The following AGMO variants were observed in gnomAD, a reference collection of about 807,000 sequenced individuals.
AGMO encodes alkylglycerol monooxygenase.
Under a neutral mutation model 60.2 loss-of-function variants are expected in AGMO, and 75 were observed. The observed-to-expected ratio is 1.25, with a 90% CI of 1.03 to 1.51. The LOEUF is 1.51. Among genes scored for constraint, AGMO ranks in the 40% most tolerant of loss-of-function variants. AGMO has a pLI of 0.00. For synonymous variants in AGMO, 261 were observed against 177.1 expected (o/e 1.47, Z -3.76); for missense variants, 763 against 525.5 (o/e 1.45, Z -4.42).
At chr7:15,349,722 G>A (rs1412765482) in intron 12 of AGMO, among the ~76,000 whole-genome samples, 4 of 152,232 alleles carry the variant, frequency 2.6e-5, no homozygotes, top group African/African-American at 9.6e-5. Flanking sequence ...GAGGCCTCAG[G>A]AAACTTATAA....
At chr7:15,403,371 G>C in intron 5 of AGMO, among the ~76,000 whole-genome samples, 1 of 151,792 alleles carries the variant, frequency 6.6e-6, no homozygotes, top group South Asian at 2.1e-4. Context: ...GAAATAATCT[G>C]TATGGGTTTC....
intron 12 of AGMO, among the ~76,000 whole-genome samples, chr7:15,322,586 ATATAT>A (rs1297386666): frequency 6.4e-5 from 2 of 31,438 alleles, no homozygotes; most frequent in Non-Finnish European, 1.0e-4. Flanking sequence ...ATATATATAA[ATATAT>A]AAATATATAT....
intron 10 of AGMO, among the ~76,000 whole-genome samples, chr7:15,370,087 ATTG>A (rs1783142987): frequency 6.6e-6 from 1 of 151,938 alleles, no homozygotes; most frequent in Non-Finnish European, 1.5e-5. Context: ...CCCAGTGTCT[ATTG>A]TTGTCATCTT....
At chr7:15,416,950 G>T (rs1261416747) in intron 5 of AGMO, among the ~76,000 whole-genome samples, 1 of 152,142 alleles carries the variant, frequency 6.6e-6, no homozygotes, top group South Asian at 2.1e-4. Flanking sequence ...TCCAGAAGCA[G>T]TCATGGTGTC....
At chr7:15,374,602 A>T (rs2128567618) in intron 10 of AGMO, among the ~76,000 whole-genome samples, 1 of 123,350 alleles carries the variant, frequency 8.1e-6, no homozygotes. Flanking sequence ...AACAAACAAT[A>T]GCAATATATC....
intron 3 of AGMO, among the ~76,000 whole-genome samples, chr7:15,464,277 A>G (rs1246423181): frequency 2.4e-4 from 37 of 152,194 alleles, no homozygotes; most frequent in Non-Finnish European, 4.4e-5. Context: ...AATCTTAGCT[A>G]GAGCTATTTG....
chr7:15,476,098 C>G (rs1782587259), intron 3 of AGMO, among the ~76,000 whole-genome samples: 1 of 151,938 alleles, frequency 6.6e-6, no homozygotes, highest in South Asian at 2.1e-4. Context: ...TAAGTGGAAG[C>G]TTATTGATAG....
intron 12 of AGMO, among the ~76,000 whole-genome samples, chr7:15,348,331 T>C (rs550670270): frequency 6.6e-6 from 1 of 152,114 alleles, no homozygotes; most frequent in African/African-American, 2.4e-5. Flanking sequence ...CTTAAAATGA[T>C]CCTGGCCGGA....
At chr7:15,532,159 C>T (rs1245987693) in intron 3 of AGMO, among the ~76,000 whole-genome samples, 1 of 152,108 alleles carries the variant, frequency 6.6e-6, no homozygotes, top group African/African-American at 2.4e-5. Context: ...GTTTTGAAAA[C>T]CTTAACAACC....
chr7:15,481,637 A>G (rs1468650844), intron 3 of AGMO, among the ~76,000 whole-genome samples: 14 of 152,082 alleles, frequency 9.2e-5, no homozygotes, highest in African/African-American at 3.4e-4. Flanking sequence ...GAGACTTAAC[A>G]TACCTCTCAA....
chr7:15,324,756 G>T (rs190261708), intron 12 of AGMO, among the ~76,000 whole-genome samples: 122 of 152,232 alleles, frequency 8.0e-4, no homozygotes, highest in African/African-American at 2.8e-3. Flanking sequence ...CAAGGACTGC[G>T]CAATCTAGAT....
chr7:15,461,759 TG>T (rs1348838890), intron 3 of AGMO, among the ~76,000 whole-genome samples: 2 of 152,016 alleles, frequency 1.3e-5, no homozygotes, highest in African/African-American at 4.8e-5. Context: ...GCAGAGTCTT[TG>T]GGGGGCTGAA....
At chr7:15,374,759 TTGG>T (rs1173142555) in intron 10 of AGMO, among the ~76,000 whole-genome samples, 1 of 152,012 alleles carries the variant, frequency 6.6e-6, no homozygotes, top group Non-Finnish European at 1.5e-5. Flanking sequence ...CCAGAGGAGC[TTGG>T]TGGATTCCCT....
intron 12 of AGMO, among the ~76,000 whole-genome samples, chr7:15,328,546 C>G (rs1006213981): frequency 6.6e-6 from 1 of 152,252 alleles, no homozygotes; most frequent in Middle Eastern, 3.4e-3. Flanking sequence ...ATTGAAAGAC[C>G]AATCTGTTGC....
rs114281206 is a variant in AGMO, at chr7:15,542,858, T to C, written c.409+1914A>G. Among the ~76,000 whole-genome samples the C allele has an allele frequency of 7.9e-3, 1,206 of 152,334 alleles. 19 individuals carry two copies. The highest frequency in any genetic ancestry group is 0.028 in the African/African-American group (1,147 of 41,582). On this transcript the variant is annotated intron_variant, in intron 3 of 12. Coordinates refer to ENST00000342526, the MANE Select transcript of AGMO (RefSeq NM_001004320.2). ...TATCACGCACAAACTTAATAACTTT[T>C]TCTAACTCATATATTCACTTCAAAT...
the AGMO span, among the ~76,000 whole-genome samples, chr7:15,145,232 TACCATTTTCA>T: frequency 5.3e-5 from 8 of 152,328 alleles, no homozygotes; most frequent in East Asian, 1.5e-3. Context: ...TATTATGTCT[TACCATTTTCA>T]ACTTGCTTCC....
chr7:15,144,621 A>C, the AGMO span, among the ~76,000 whole-genome samples: 4 of 152,198 alleles, frequency 2.6e-5, no homozygotes, highest in African/African-American at 9.7e-5. Flanking sequence ...AAGGTACATT[A>C]TATTTACCTC....
intron 3 of AGMO, among the ~76,000 whole-genome samples, chr7:15,508,708 C>T (rs1783592516): frequency 6.6e-6 from 1 of 151,576 alleles, no homozygotes; most frequent in Admixed American, 6.6e-5. Flanking sequence ...CATCCCTCAC[C>T]TGTACTAGCT....
chr7:15,170,578 ATTAGT>A, the AGMO span, among the ~76,000 whole-genome samples: 1 of 152,096 alleles, frequency 6.6e-6, no homozygotes, highest in African/African-American at 2.4e-5. Flanking sequence ...TAAAATTTTA[ATTAGT>A]TTAAATTTAC....
Sources: gnomAD v4.1 joint callset for allele counts (sites outside exome capture counted in the v4.1 genomes callset) on GRCh38, gnomAD v4.1.1 for gene constraint, MANE v1.5 for transcripts, NCBI Gene and HGNC (gene_info 2026-07-23, HGNC 2026-07-21) for gene names.